Variants in PSME4 observed in about 807,000 individuals in gnomAD.
The protein encoded by PSME4 is proteasome activator complex subunit 4.
In PSME4, 89 loss-of-function variants were observed where a neutral mutation model predicts 253.9. That is an observed-to-expected ratio of 0.35 (90% CI 0.30 to 0.42). The LOEUF (loss-of-function observed/expected upper bound fraction) is 0.42. Among genes scored for constraint, PSME4 ranks in the 10% least tolerant of loss-of-function variants. The pLI is 1.00. For missense variants in PSME4, 2,014 were observed against 2,195.2 expected, an observed-to-expected ratio of 0.92 and a Z score of 1.65; for synonymous variants, 851 against 759.2, an observed-to-expected ratio of 1.12 and a Z score of -1.99.
chr2:53,956,087 A>T (rs900262792), intron 1 of PSME4, among the ~76,000 whole-genome samples: 4 of 152,230 alleles, frequency 2.6e-5, no homozygotes, highest in Non-Finnish European at 4.4e-5. Context: ...GCTTGAGACC[A>T]GCCTGGGCAA....
At chr2:53,943,750 A>G (rs805366) in intron 3 of PSME4, among the ~76,000 whole-genome samples, 80,738 of 150,760 alleles carry the variant, frequency 0.54, 21,901 homozygotes, top group East Asian at 0.72. Context: ...ACTGAGGCAG[A>G]AGAATCGCTT....
At chr2:53,868,931 A>G (rs1678737103) in intron 44 of PSME4, among the ~76,000 whole-genome samples, 1 of 152,182 alleles carries the variant, frequency 6.6e-6, no homozygotes, top group South Asian at 2.1e-4. Flanking sequence ...AGCTCCTGCA[A>G]TGACTCCGCA....
intron 8 of PSME4, 78 bp from the exon 9 acceptor site, chr2:53,932,838 C>T (rs530876135): frequency 1.8e-5 from 19 of 1,071,654 alleles, no homozygotes; most frequent in Middle Eastern, 2.0e-4. Context: ...CAAGCCTATA[C>T]GTAAATCACT....
intron 10 of PSME4, among the ~76,000 whole-genome samples, chr2:53,929,325 A>G (rs1668715011): frequency 6.6e-6 from 1 of 151,946 alleles, no homozygotes; most frequent in South Asian, 2.1e-4. Context: ...TCAGGGTTTT[A>G]CTCTGCCCCA....
intron 43 of PSME4, among the ~76,000 whole-genome samples, chr2:53,872,470 C>G (rs1259909303): frequency 6.6e-6 from 1 of 151,930 alleles, no homozygotes; most frequent in African/African-American, 2.4e-5. Context: ...GTTTAAACCT[C>G]TATATGGAAG....
intron 43 of PSME4, among the ~76,000 whole-genome samples, chr2:53,872,585 C>A (rs1311855250): frequency 6.6e-6 from 1 of 150,900 alleles, no homozygotes; most frequent in Non-Finnish European, 1.5e-5. Flanking sequence ...TACAAAATCA[C>A]AAAAAAAGTA....
At chr2:53,920,847 A>C in intron 18 of PSME4, 42 bp downstream of exon 18, 1 of 1,498,040 alleles carries the variant, frequency 6.7e-7, no homozygotes, top group South Asian at 1.2e-5. Context: ...TAAAACAAAA[A>C]ATCAACATAT....
intron 4 of PSME4, among the ~76,000 whole-genome samples, chr2:53,938,018 T>C (rs1288373310): frequency 6.6e-6 from 1 of 151,942 alleles, no homozygotes; most frequent in African/African-American, 2.4e-5. Context: ...TTCCCCATCA[T>C]ACTTGGGATA....
intron 18 of PSME4, 88 bp downstream of exon 18, chr2:53,920,801 T>G: frequency 9.0e-7 from 1 of 1,106,110 alleles, no homozygotes; most frequent in Non-Finnish European, 1.3e-6. Flanking sequence ...AGTAAAAAAC[T>G]AACATATGCA....
intron 3 of PSME4, among the ~76,000 whole-genome samples, chr2:53,946,219 T>C (rs1669691667): frequency 6.6e-6 from 1 of 152,170 alleles, no homozygotes; most frequent in Non-Finnish European, 1.5e-5. Context: ...GGCAGGAAAG[T>C]AGGACGCTTG....
intron 39 of PSME4, 61 bp from the exon 40 acceptor site, chr2:53,887,528 C>G: frequency 7.0e-7 from 1 of 1,435,048 alleles, no homozygotes; most frequent in Non-Finnish European, 9.6e-7. Context: ...AAATGAGGTT[C>G]AAAAGTTATG....
At chr2:53,931,611 A>C (rs1388676097) in intron 10 of PSME4, among the ~76,000 whole-genome samples, 1 of 152,244 alleles carries the variant, frequency 6.6e-6, no homozygotes, top group Non-Finnish European at 1.5e-5. Context: ...AAAATGTGTG[A>C]AGAATCCAAA....
rs1260462458 is a variant in PSME4, at chr2:53,932,082, G to A, written c.1069C>T (p.Leu357Phe). ...GRWLNKLMKL[L>F]QRLPNSVVRR... Reference sequence around the variant, plus strand: ...ACAACACTGTTTGGCAACCGCTGAAGTAGTTTCATTAACTTGTTCTGGGGA... The same window carrying A: ...ACAACACTGTTTGGCAACCGCTGAAATAGTTTCATTAACTTGTTCTGGGGA... Residue 357 changes from leucine to phenylalanine, a missense_variant, in exon 10 of 47, where the codon CTT (leucine) becomes TTT (phenylalanine). By Grantham distance (22) the Leu-to-Phe change is conservative. Transcript: ENST00000404125. The A allele has an allele frequency of 6.2e-7, 1 of 1,613,956 alleles. No homozygotes were observed. The highest frequency in any genetic ancestry group is 2.2e-5 in the East Asian group (1 of 44,878).
At chr2:53,906,500 G>C in intron 26 of PSME4, 98 bp downstream of exon 26, 1 of 1,378,360 alleles carries the variant, frequency 7.3e-7, no homozygotes, top group Non-Finnish European at 9.5e-7. Context: ...TCCAATTATG[G>C]GTGAAATTAT....
intron 20 of PSME4, chr2:53,917,365 C>A (rs897251228): frequency 6.6e-6 from 1 of 152,040 alleles, no homozygotes; most frequent in Non-Finnish European, 1.5e-5. Flanking sequence ...TATTAAAATG[C>A]ACTTCATTAT....
intron 10 of PSME4, 96 bp from the exon 11 acceptor site, chr2:53,928,399 C>T: frequency 2.0e-6 from 2 of 1,009,538 alleles, no homozygotes; most frequent in Non-Finnish European, 2.8e-6. Context: ...TGCACTTTGA[C>T]TTAAAGGCTT....
At chr2:53,961,447 T>C (rs1442786486) in intron 1 of PSME4, among the ~76,000 whole-genome samples, 1 of 152,058 alleles carries the variant, frequency 6.6e-6, no homozygotes, top group Admixed American at 6.6e-5. Context: ...GGCAGGAAGA[T>C]TTGAGCCCAG....
rs371241918 is a variant in PSME4, at chr2:53,920,298, G to C, written c.2315C>G (p.Pro772Arg). The change falls in exon 19 of 47, where the codon CCT (proline) becomes CGT (arginine). Residue 772 changes from proline (P) to arginine (R), a missense_variant. Pro to Arg is a moderately radical substitution (Grantham distance 103, BLOSUM62 -2). This residue lies in a region of PSME4 where 989 missense variants were observed against 1,021.1 expected (regional missense o/e 0.97). Coordinates refer to ENST00000404125, the MANE Select transcript of PSME4 (RefSeq NM_014614.3). ...GGCAAAAGACACTTCTTCTGAAGAA[G>C]GAACATGCCACTGGATTCCCAGATT... ...LWNLGIQWHV[P>R]SSEEVSFAFY... 6.2e-7 allele frequency: 1 copy of C among 1,613,666 alleles called. No homozygotes were observed. The highest frequency in any genetic ancestry group is 8.5e-7 in the Non-Finnish European group (1 of 1,179,804).
rs747359143 is a variant in PSME4, at chr2:53,865,011, T to C, written c.*567A>G. On this transcript the variant is annotated 3_prime_UTR_variant, in exon 47 of 47. Coordinates refer to ENST00000404125, the MANE Select transcript of PSME4 (RefSeq NM_014614.3). ...CTGTGGGAAGTGCACAGACACAGACTTCACTTCTGTGTCTTGGTCGAGCAA... is the reference window on the plus strand; with the variant it reads ...CTGTGGGAAGTGCACAGACACAGACCTCACTTCTGTGTCTTGGTCGAGCAA... 5 of 152,728 alleles carry C rather than the reference T, an allele frequency of 3.3e-5. No homozygotes were observed. Among genetic ancestry groups the C allele is most frequent in the South Asian group, 2.1e-4 (1 of 4,822 alleles). The allele number at this position is 152,728 out of a possible 1,614,324, so 9.5% of individuals were successfully genotyped here.
Sources: allele counts gnomAD v4.1 joint callset (sites outside exome capture counted in the v4.1 genomes callset), GRCh38; gene constraint gnomAD v4.1.1; regional missense constraint gnomAD v4.1.1; transcripts MANE v1.5; gene names NCBI Gene and HGNC (gene_info 2026-07-23, HGNC 2026-07-21).